Variants in CDYL2 observed in about 807,000 individuals in gnomAD.
The protein encoded by CDYL2 is chromodomain Y-like protein 2.
In CDYL2, 23 loss-of-function variants were observed where a neutral mutation model predicts 49.4. That is an observed-to-expected ratio of 0.47 (90% CI 0.34 to 0.66). The LOEUF (loss-of-function observed/expected upper bound fraction) is 0.66, where lower values mean the gene tolerates loss of function less well. Among genes scored for constraint, CDYL2 ranks in the 30% least tolerant of loss-of-function variants. CDYL2 has a pLI of 0.01. For missense variants in CDYL2, 678 were observed against 656.4 expected, an observed-to-expected ratio of 1.03 and a Z score of -0.36; for synonymous variants, 360 against 268.8, an observed-to-expected ratio of 1.34 and a Z score of -3.32.
At chr16:80,632,994 C>T (rs756521109) in intron 3 of CDYL2, 25 bp downstream of exon 3, 1 of 1,606,246 alleles carries the variant, frequency 6.2e-7, no homozygotes, top group East Asian at 2.2e-5. Context: ...CCAGCTTGCC[C>T]TTCCCTCTGG....
intron 2 of CDYL2, among the ~76,000 whole-genome samples, chr16:80,670,773 A>G (rs764730773): frequency 1.3e-5 from 2 of 152,178 alleles, no homozygotes; most frequent in Non-Finnish European, 2.9e-5. Context: ...TTGCAACATA[A>G]AAAGTGTGAA....
At chr16:80,699,822 G>A (rs1422308512) in intron 1 of CDYL2, among the ~76,000 whole-genome samples, 1 of 151,750 alleles carries the variant, frequency 6.6e-6, no homozygotes, top group African/African-American at 2.4e-5. Context: ...TTCTTAAAAG[G>A]TTGAAAGGTA....
intron 1 of CDYL2, among the ~76,000 whole-genome samples, chr16:80,774,522 T>C (rs534842609): frequency 6.6e-6 from 1 of 152,130 alleles, no homozygotes; most frequent in Admixed American, 6.5e-5. Flanking sequence ...TATTATATAC[T>C]CCAAAACTGC....
intron 1 of CDYL2, among the ~76,000 whole-genome samples, chr16:80,705,959 G>C (rs1904390368): frequency 6.6e-6 from 1 of 152,186 alleles, no homozygotes; most frequent in South Asian, 2.1e-4. Context: ...AGGGAGAAAA[G>C]CATATATTGA....
At chr16:80,774,669 A>G (rs1157556608) in intron 1 of CDYL2, among the ~76,000 whole-genome samples, 1 of 152,190 alleles carries the variant, frequency 6.6e-6, no homozygotes, top group Admixed American at 6.5e-5. Context: ...CATAATAAAC[A>G]TAATTATTAT....
chr16:80,687,294 C>T (rs1213510817), intron 1 of CDYL2, among the ~76,000 whole-genome samples: 1 of 152,068 alleles, frequency 6.6e-6, no homozygotes, highest in Admixed American at 6.6e-5. Flanking sequence ...GCTCACTTCC[C>T]GGGATGGAGA....
chr16:80,759,120 A>ATATATATATATATATATATATGGTTTT, intron 1 of CDYL2, among the ~76,000 whole-genome samples: 1 of 122,684 alleles, frequency 8.2e-6, no homozygotes, highest in South Asian at 2.4e-4. Flanking sequence ...ATATATATAT[A>ATATATATATATATATATATATGGTTTT]TATATATATA....
rs192864538 is a variant in CDYL2, at chr16:80,732,869, G to T, written c.25-47740C>A. Among the ~76,000 whole-genome samples, 711 of 118,492 alleles carry T rather than the reference G, an allele frequency of 6.0e-3. 6 individuals are homozygous for T. Among genetic ancestry groups the T allele is most frequent in the Middle Eastern group, 0.03 (6 of 200 alleles). The allele number at this position is 118,492 out of a possible 152,430, so 77.7% of individuals were successfully genotyped here. A position where few individuals can be genotyped will look rare whatever the true frequency, so the allele number is the denominator to read the frequency against. ...TTGGTTATAACCTCTCTAAACAAGG[G>T]TCAAGTTGGGAAAGTTGATGAATGG... is the stretch of plus-strand genomic sequence containing the variant. On this transcript the variant is annotated intron_variant, in intron 1 of 6. Coordinates refer to ENST00000570137, the MANE Select transcript of CDYL2 (RefSeq NM_152342.4).
At chr16:80,682,050 C>A (rs769164065) in intron 2 of CDYL2, among the ~76,000 whole-genome samples, 3 of 152,172 alleles carry the variant, frequency 2.0e-5, no homozygotes, top group Non-Finnish European at 4.4e-5. Context: ...TTAACAAGTC[C>A]ATCTCCTGGG....
At position 80,804,225 on chromosome 16, in the gene CDYL2, C is replaced by A; in HGVS notation, c.-52G>T. 7.5e-7 allele frequency: 1 copy of A among 1,333,590 alleles called. No individual in the cohort carries two copies. The highest frequency in any genetic ancestry group is 2.7e-5 in the Admixed American group (1 of 37,576). 82.6% of individuals were successfully genotyped at this position (1,333,590 alleles called of 1,614,324 possible). ...GTGTGCGCGTCTGCTCGCTCGCGCC[C>A]TCCGTGCGTGTGCGCGCGGGGTCCG... is the stretch of plus-strand genomic sequence containing the variant. On this transcript the variant is annotated 5_prime_UTR_variant, in exon 1 of 7. The change creates a new upstream start codon in the 5' untranslated region. Transcript: ENST00000570137.
At chr16:80,780,932 A>G (rs748613714) in intron 1 of CDYL2, among the ~76,000 whole-genome samples, 1 of 152,192 alleles carries the variant, frequency 6.6e-6, no homozygotes, top group Non-Finnish European at 1.5e-5. Context: ...TTTGTTCAAA[A>G]AAATGGCTCA....
At chr16:80,703,912 T>C (rs771196348) in intron 1 of CDYL2, among the ~76,000 whole-genome samples, 4 of 152,112 alleles carry the variant, frequency 2.6e-5, no homozygotes, top group African/African-American at 9.7e-5. Flanking sequence ...TCCCTTCTCT[T>C]GCCCAGCTGC....
chr16:80,608,044 A>C, intron 6 of CDYL2, 48 bp downstream of exon 6: 8 of 1,518,880 alleles, frequency 5.3e-6, no homozygotes, highest in Non-Finnish European at 7.1e-6. Flanking sequence ...TTCATGTGTA[A>C]AATGGGTCTA....
At chr16:80,664,027 C>T (rs894506971) in intron 2 of CDYL2, among the ~76,000 whole-genome samples, 1 of 104,754 alleles carries the variant, frequency 9.5e-6, no homozygotes, top group Non-Finnish European at 1.7e-5. Context: ...ACTCCAAAAG[C>T]TCTATTATGC....
intron 1 of CDYL2, among the ~76,000 whole-genome samples, chr16:80,775,320 G>T (rs1199241679): frequency 1.3e-5 from 2 of 151,624 alleles, no homozygotes; most frequent in Non-Finnish European, 2.9e-5. Flanking sequence ...AATGCTTAAG[G>T]AAGTAGGTAT....
At chr16:80,793,072 A>T (rs1428349342) in intron 1 of CDYL2, among the ~76,000 whole-genome samples, 1 of 152,184 alleles carries the variant, frequency 6.6e-6, no homozygotes, top group African/African-American at 2.4e-5. Flanking sequence ...TGTGTCTCCC[A>T]ACAGCACTCT....
chr16:80,608,165 T>C lies in CDYL2; in HGVS notation c.1289A>G (p.Gln430Arg). ...QEACSRGLVS[Q>R]VFWPTTFSQE... ...GCTGAACGTGGTGGGCCAGAAGACCTGCGACACCAGCCCCCTGCTGCAGGC... is the reference window on the plus strand; with the variant it reads ...GCTGAACGTGGTGGGCCAGAAGACCCGCGACACCAGCCCCCTGCTGCAGGC... Residue 430 changes from glutamine to arginine, a missense_variant, in exon 6 of 7, where the codon CAG becomes CGG. Transcript: ENST00000570137. The C allele has an allele frequency of 1.2e-6, 2 of 1,604,986 alleles. No homozygotes were observed. Among genetic ancestry groups the C allele is most frequent in the Non-Finnish European group, 8.5e-7 (1 of 1,175,958 alleles).
rs1567566834 is a variant in CDYL2, at chr16:80,676,962, T to TC, written c.616+7575_616+7576insG. On this transcript the variant is annotated intron_variant, in intron 2 of 6. Coordinates refer to ENST00000570137, the MANE Select transcript of CDYL2 (RefSeq NM_152342.4). ...GGACTTTTTAACAACCAATTCAATG[T>TC]ATTTTTTTTTTTTTTTTTTTTTTTT... Among the ~76,000 whole-genome samples the TC allele has an allele frequency of 9.6e-3, 1,110 of 115,824 alleles. 39 individuals carry two copies. Among genetic ancestry groups the TC allele is most frequent in the Middle Eastern group, 0.017 (3 of 180 alleles). The allele number at this position is 115,824 out of a possible 152,430, so 76.0% of individuals were successfully genotyped here.
At chr16:80,645,999 G>A (rs71386292) in intron 2 of CDYL2, among the ~76,000 whole-genome samples, 4 of 115,752 alleles carry the variant, frequency 3.5e-5, no homozygotes, top group Admixed American at 2.8e-4. Context: ...GTGGGGGGAG[G>A]GGGGAGGGGG....
Sources: allele counts gnomAD v4.1 joint callset (sites outside exome capture counted in the v4.1 genomes callset), GRCh38; gene constraint gnomAD v4.1.1; transcripts MANE v1.5; gene names NCBI Gene and HGNC (gene_info 2026-07-23, HGNC 2026-07-21).